CACNB2: variants seen among roughly 807,000 people sequenced by gnomAD.
The protein encoded by CACNB2 is voltage-dependent L-type calcium channel subunit beta-2.
Under a neutral mutation model 73.3 loss-of-function variants are expected in CACNB2, and 42 were observed. The observed-to-expected ratio is 0.57, with a 90% confidence interval of 0.45 to 0.74. CACNB2 has a LOEUF of 0.74. CACNB2 is among the 30% of genes least tolerant of loss of function. The pLI is 0.00. For missense variants in CACNB2, 940 were observed against 853.0 expected, an observed-to-expected ratio of 1.10 and a Z score of -1.27; for synonymous variants, 348 against 310.3, an observed-to-expected ratio of 1.12 and a Z score of -1.28.
intron 2 of CACNB2, among the ~76,000 whole-genome samples, chr10:18,396,243 C>T (rs1054815492): frequency 6.6e-6 from 1 of 151,918 alleles, no homozygotes; most frequent in Non-Finnish European, 1.5e-5. Context: ...AGGCATGAGC[C>T]AGCATGCAGC....
intron 2 of CACNB2, among the ~76,000 whole-genome samples, chr10:18,372,106 C>G (rs2042611845): frequency 6.6e-6 from 1 of 152,192 alleles, no homozygotes; most frequent in South Asian, 2.1e-4. Flanking sequence ...GATATTAGAC[C>G]TTTGTCAGAT....
At chr10:18,505,293 T>A (rs555236058) in intron 5 of CACNB2, among the ~76,000 whole-genome samples, 149 of 151,766 alleles carry the variant, frequency 9.8e-4, no homozygotes, top group African/African-American at 3.5e-3. Flanking sequence ...GTCTTGGTAA[T>A]AGGTCCTTGT....
Position 18,516,731 on chromosome 10 carries a change from A to G in CACNB2, c.805-1605A>G, listed in dbSNP as rs574758057. ...CAAAACAACAGCCTGAGATTCAATG[A>G]GAAGATCGTTTTCTATGTTTTAGGT... On this transcript the variant is annotated intron_variant, in intron 7 of 13. Coordinates refer to ENST00000324631, the MANE Select transcript of CACNB2 (RefSeq NM_201596.3). Among the ~76,000 whole-genome samples the G allele has an allele frequency of 2.6e-5, 4 of 152,322 alleles. 1 individual carries two copies. The South Asian group carries it at 8.3e-4, about 32-fold the overall frequency.
intron 9 of CACNB2, among the ~76,000 whole-genome samples, chr10:18,522,139 T>C (rs1420344503): frequency 6.6e-6 from 1 of 151,970 alleles, no homozygotes; most frequent in Non-Finnish European, 1.5e-5. Flanking sequence ...CTTAGGACAG[T>C]CTAATGCCTG....
chr10:18,201,313 C>T (rs2034870627), intron 2 of CACNB2, among the ~76,000 whole-genome samples: 1 of 144,588 alleles, frequency 6.9e-6, no homozygotes, highest in Non-Finnish European at 1.5e-5. Context: ...CTCACTCTGT[C>T]AGCCAGGCTG....
chr10:18,519,830 A>C, intron 9 of CACNB2: 1 of 436,462 alleles, frequency 2.3e-6, no homozygotes, highest in South Asian at 1.7e-5. Context: ...AAGATCACCC[A>C]TGACCTTCAC....
chr10:18,387,595 G>A (rs373748500), intron 2 of CACNB2, among the ~76,000 whole-genome samples: 1 of 152,168 alleles, frequency 6.6e-6, no homozygotes, highest in Middle Eastern at 3.2e-3. Flanking sequence ...AGAAAAGCCA[G>A]TAGGTGCATT....
At chr10:18,423,985 A>G (rs1564532063) in intron 3 of CACNB2, among the ~76,000 whole-genome samples, 2 of 151,890 alleles carry the variant, frequency 1.3e-5, no homozygotes, top group East Asian at 1.9e-4. Flanking sequence ...TGTCTTCTCA[A>G]TTTTTTTTGA....
chr10:18,238,667 G>A (rs1170673757), intron 2 of CACNB2: 1 of 152,168 alleles, frequency 6.6e-6, no homozygotes, highest in East Asian at 1.9e-4. Context: ...GGATTGTAGT[G>A]ATTCAAAATT....
At chr10:18,360,003 T>C (rs957090369) in intron 2 of CACNB2, among the ~76,000 whole-genome samples, 12 of 152,162 alleles carry the variant, frequency 7.9e-5, no homozygotes, top group African/African-American at 2.2e-4. Context: ...CTGGACTCTA[T>C]ACTGGGGAGG....
In CACNB2 at chr10:18,297,325, C is replaced by G. The variant is rs139898355; in HGVS notation, c.214-104599C>G. Among the ~76,000 whole-genome samples the G allele has an allele frequency of 6.6e-3, 998 of 152,326 alleles. 11 individuals are homozygous for G. The highest frequency in any genetic ancestry group is 0.022 in the African/African-American group (923 of 41,574). On this transcript the variant is annotated intron_variant, in intron 2 of 13. Coordinates refer to ENST00000324631, the MANE Select transcript of CACNB2 (RefSeq NM_201596.3). ...TTTGGGAGGCCAAGGTAGGGGATCA[C>G]TTGAGCCCAGGAGTTTAAGAACAGC...
intron 2 of CACNB2, among the ~76,000 whole-genome samples, chr10:18,380,452 C>CTTTTTTTT (rs757792853): frequency 3.6e-5 from 4 of 111,020 alleles, no homozygotes; most frequent in Non-Finnish European, 3.6e-5. Flanking sequence ...ATGTGTTTTT[C>CTTTTTTTT]TTTTTTTTTT....
intron 2 of CACNB2, among the ~76,000 whole-genome samples, chr10:18,288,359 T>C (rs2038893646): frequency 6.6e-6 from 1 of 152,222 alleles, no homozygotes; most frequent in Admixed American, 6.5e-5. Flanking sequence ...TACAACTCTC[T>C]TCTAACACAC....
At chr10:18,410,231 A>G (rs116370203) in intron 3 of CACNB2, among the ~76,000 whole-genome samples, 2,867 of 152,164 alleles carry the variant, frequency 0.019, 102 homozygotes, top group African/African-American at 0.064. Context: ...TCTATATTCT[A>G]TGTTTCCACA....
At chr10:18,220,707 T>G (rs2035758075) in intron 2 of CACNB2, among the ~76,000 whole-genome samples, 3 of 152,104 alleles carry the variant, frequency 2.0e-5, no homozygotes, top group Admixed American at 1.3e-4. Flanking sequence ...GAGCTCCACC[T>G]CCTGTTAGAT....
intron 2 of CACNB2, among the ~76,000 whole-genome samples, chr10:18,360,765 A>G (rs16917197): frequency 0.14 from 21,479 of 152,166 alleles, 1,785 homozygotes; most frequent in East Asian, 0.31. Context: ...ATTCCCCTGC[A>G]TCTGGGGTGT....
At chr10:18,168,916 A>G (rs980011537) in intron 2 of CACNB2, among the ~76,000 whole-genome samples, 2 of 152,234 alleles carry the variant, frequency 1.3e-5, no homozygotes, top group African/African-American at 4.8e-5. Context: ...CAAAGACCTT[A>G]TAAAATCTAC....
At chr10:18,445,960 G>A (rs2046713367) in intron 3 of CACNB2, among the ~76,000 whole-genome samples, 1 of 152,222 alleles carries the variant, frequency 6.6e-6, no homozygotes, top group Non-Finnish European at 1.5e-5. Context: ...CTTGAACCCA[G>A]GAGGAGGAGG....
At chr10:18,310,192 A>C (rs1015325845) in intron 2 of CACNB2, among the ~76,000 whole-genome samples, 4 of 152,156 alleles carry the variant, frequency 2.6e-5, no homozygotes, top group South Asian at 2.1e-4. Flanking sequence ...AAAATTTGTC[A>C]ATTAAGATTG....
Sources: allele counts gnomAD v4.1 joint callset (sites outside exome capture counted in the v4.1 genomes callset), GRCh38; gene constraint gnomAD v4.1.1; transcripts MANE v1.5; gene names NCBI Gene and HGNC (gene_info 2026-07-23, HGNC 2026-07-21).